Variants in TMEM117 observed in about 807,000 individuals in gnomAD.
TMEM117 encodes transmembrane protein 117.
In TMEM117, 27 loss-of-function variants were observed where a neutral mutation model predicts 52.4. The observed-to-expected ratio is 0.51, with a 90% CI of 0.38 to 0.71. The LOEUF (loss-of-function observed/expected upper bound fraction) is 0.71, where lower values mean the gene tolerates loss of function less well. TMEM117 is among the 30% of genes least tolerant of loss of function. The probability of loss-of-function intolerance (pLI) is 0.00; values close to 1 mark genes in which losing one functional copy is unlikely to be tolerated. For missense variants in TMEM117, 556 were observed against 630.5 expected (o/e 0.88, Z 1.26); for synonymous variants, 215 against 206.3 (o/e 1.04, Z -0.36).
At chr12:43,906,844 T>C (rs1008281388) in intron 2 of TMEM117, among the ~76,000 whole-genome samples, 1 of 152,234 alleles carries the variant, frequency 6.6e-6, no homozygotes, top group African/African-American at 2.4e-5. Context: ...CGGAGGGTCC[T>C]ACCCCCACGG....
chr12:44,178,940 T>A (rs575327081), intron 4 of TMEM117, among the ~76,000 whole-genome samples: 1 of 152,266 alleles, frequency 6.6e-6, no homozygotes, highest in East Asian at 1.9e-4. Context: ...ACACCTGTAA[T>A]CCCAGCACTT....
chr12:43,835,922 C>A (rs993052458), upstream of TMEM117: 2 of 151,806 alleles, frequency 1.3e-5, no homozygotes, highest in Non-Finnish European at 2.9e-5. Context: ...GTCACCTGCG[C>A]GGCGCCGGTG....
chr12:43,935,626 G>A (rs998689260), intron 2 of TMEM117, among the ~76,000 whole-genome samples: 3 of 152,176 alleles, frequency 2.0e-5, no homozygotes, highest in African/African-American at 7.2e-5. Flanking sequence ...CACTGACAAA[G>A]CAAATCATAA....
At chr12:44,292,655 G>A (rs531463748) in intron 5 of TMEM117, among the ~76,000 whole-genome samples, 1 of 151,894 alleles carries the variant, frequency 6.6e-6, no homozygotes, top group African/African-American at 2.4e-5. Context: ...GGTACGTTCT[G>A]TTTTTATTTT....
rs952306643 is a variant in TMEM117 at position 44,065,397 on chromosome 12, G to GA, written c.411-78118dup. Among the ~76,000 whole-genome samples the GA allele has an allele frequency of 3.5e-3, 507 of 144,326 alleles. 4 individuals are homozygous for GA. The highest frequency in any genetic ancestry group is 0.011 in the African/African-American group (438 of 39,482). The allele number at this position is 144,326 out of a possible 152,430, so 94.7% of individuals were successfully genotyped here. ...AGCGAGACTCTGTCTCAAATAAAAA[G>GA]AAAAAAAAAAGGAATAATGGTAAAC... On this transcript the variant is annotated intron_variant, in intron 3 of 7. Coordinates refer to ENST00000266534, the MANE Select transcript of TMEM117 (RefSeq NM_032256.3).
intron 4 of TMEM117, among the ~76,000 whole-genome samples, chr12:44,189,994 C>T (rs1405515856): frequency 2.6e-5 from 4 of 152,072 alleles, no homozygotes; most frequent in Non-Finnish European, 4.4e-5. Flanking sequence ...GATTAAATTG[C>T]TCAATTAAGT....
intron 5 of TMEM117, among the ~76,000 whole-genome samples, chr12:44,295,306 TGA>T (rs1209124316): frequency 1.3e-5 from 2 of 152,100 alleles, no homozygotes. Context: ...TGGGCTCAAG[TGA>T]TTCTCCTGCC....
intron 5 of TMEM117, 77 bp from the exon 6 acceptor site, chr12:44,299,503 C>T (rs1950811382): frequency 6.5e-7 from 1 of 1,535,672 alleles, no homozygotes; most frequent in Admixed American, 1.8e-5. Context: ...ACATTTAATA[C>T]AACACAGATA....
intron 5 of TMEM117, among the ~76,000 whole-genome samples, chr12:44,268,404 C>G (rs997330376): frequency 6.6e-6 from 1 of 151,918 alleles, no homozygotes; most frequent in Non-Finnish European, 1.5e-5. Flanking sequence ...TCGGCCTCTC[C>G]AGGTCTTGGG....
intron 3 of TMEM117, chr12:44,073,970 C>T (rs1455666710): frequency 6.6e-6 from 1 of 152,152 alleles, no homozygotes; most frequent in African/African-American, 2.4e-5. Context: ...GAAAAAGATA[C>T]AAGACAACAA....
chr12:43,805,955 G>A, the TMEM117 span: 19 of 1,540,018 alleles, frequency 1.2e-5, no homozygotes, highest in Non-Finnish European at 1.7e-5. Context: ...CTTCAACCAG[G>A]CCGCCTCGAA....
At position 44,388,715 on chromosome 12, in the gene TMEM117, G is replaced by A; in HGVS notation, c.*43G>A. On this transcript the variant is annotated 3_prime_UTR_variant, in exon 8 of 8. Coordinates refer to ENST00000266534, the MANE Select transcript of TMEM117 (RefSeq NM_032256.3). Reference sequence around the variant, plus strand: ...GAGATAACACAAAAAGCAACCTTGAGTGTAACTTTAAAAATTTAGTCTTTC... The same window carrying A: ...GAGATAACACAAAAAGCAACCTTGAATGTAACTTTAAAAATTTAGTCTTTC... The A allele has an allele frequency of 2.5e-6, 4 of 1,580,640 alleles. No individual in the cohort carries two copies. Among genetic ancestry groups the A allele is most frequent in the Non-Finnish European group, 3.4e-6 (4 of 1,165,844 alleles).
chr12:43,875,758 A>G (rs1943784532), intron 2 of TMEM117, among the ~76,000 whole-genome samples: 1 of 152,112 alleles, frequency 6.6e-6, no homozygotes, highest in Non-Finnish European at 1.5e-5. Context: ...TCACTCCATT[A>G]TTGGGCCGGG....
chr12:43,899,744 T>G lies in TMEM117; in HGVS notation c.278-44466T>G, dbSNP rs562914330. ...ATACCCACCACAGTGCAAAGTACTT[T>G]ACATACATTCTCTTTAATTGTCCTC... is the stretch of plus-strand genomic sequence containing the variant. On this transcript the variant is annotated intron_variant, in intron 2 of 7. Coordinates refer to ENST00000266534, the MANE Select transcript of TMEM117 (RefSeq NM_032256.3). Among the ~76,000 whole-genome samples the G allele has an allele frequency of 2.6e-5, 4 of 152,344 alleles. No individual in the cohort carries two copies. In the South Asian group the frequency reaches 8.3e-4, roughly 32 times the overall value.
chr12:44,231,759 G>A (rs1024129098), intron 5 of TMEM117, among the ~76,000 whole-genome samples: 1 of 151,782 alleles, frequency 6.6e-6, no homozygotes, highest in East Asian at 1.9e-4. Context: ...GCCTGTTCAA[G>A]TTTCTTGCCC....
chr12:44,227,723 G>T (rs981895118), intron 5 of TMEM117, among the ~76,000 whole-genome samples: 3 of 152,100 alleles, frequency 2.0e-5, no homozygotes, highest in African/African-American at 7.2e-5. Flanking sequence ...CTTCTGTGAA[G>T]CCTTCCCAGG....
rs1157766741 is a variant in TMEM117 at position 44,388,555 on chromosome 12, C to T, written c.1428C>T (p.Ile476=). The change falls in exon 8 of 8, where the codon ATC becomes ATT. Residue 476 remains isoleucine (I), a synonymous_variant. Coordinates refer to ENST00000266534, the MANE Select transcript of TMEM117 (RefSeq NM_032256.3). ...GCATCAGGTCTGACTTCAATGAGATCGTCTACAAGTCTTCCCACCTAACCT... is the reference window on the plus strand; with the variant it reads ...GCATCAGGTCTGACTTCAATGAGATTGTCTACAAGTCTTCCCACCTAACCT... The part of the protein sequence containing the change: ...LVCIRSDFNE[I]VYKSSHLTSE... 5.0e-6 allele frequency: 8 copies of T among 1,613,400 alleles called. No homozygotes were observed. The highest frequency in any genetic ancestry group is 6.8e-6 in the Non-Finnish European group (8 of 1,179,598).
rs116593588 is a variant in TMEM117 at position 44,302,903 on chromosome 12, C to A, written c.768+3164C>A. 4.9e-3 allele frequency among the ~76,000 whole-genome samples: 738 copies of A among 152,152 alleles called. 8 individuals carry two copies. Among genetic ancestry groups the A allele is most frequent in the African/African-American group, 0.016 (654 of 41,506 alleles). On this transcript the variant is annotated intron_variant, in intron 6 of 7. Coordinates refer to ENST00000266534, the MANE Select transcript of TMEM117 (RefSeq NM_032256.3). The stretch of plus-strand genomic sequence containing the variant: ...CTAATTCATCCCATATTTACATATT[C>A]CAGATGAAAGAAAAATAAAGAAGTA...
intron 2 of TMEM117, among the ~76,000 whole-genome samples, chr12:43,887,620 C>T (rs1944020015): frequency 6.6e-6 from 1 of 152,184 alleles, no homozygotes; most frequent in Non-Finnish European, 1.5e-5. Context: ...AGAAGACCGC[C>T]AGCACCCTGA....
Sources: allele counts gnomAD v4.1 joint callset (sites outside exome capture counted in the v4.1 genomes callset), GRCh38; gene constraint gnomAD v4.1.1; transcripts MANE v1.5; gene names NCBI Gene and HGNC (gene_info 2026-07-23, HGNC 2026-07-21).